Variants in SORCS2 observed in about 807,000 individuals in gnomAD.
SORCS2 encodes the protein sortilin related VPS10 domain containing receptor 2.
In SORCS2, 100 loss-of-function variants were observed where a neutral mutation model predicts 141.6. That is an observed-to-expected ratio of 0.71 (90% CI 0.60 to 0.83). The LOEUF is 0.83. Among genes scored for constraint, SORCS2 ranks in the 40% least tolerant of loss-of-function variants. SORCS2 has a pLI of 0.00. For synonymous variants in SORCS2, 789 were observed against 676.9 expected (o/e 1.17, Z -2.57); for missense variants, 1,646 against 1,560.2 (o/e 1.05, Z -0.93).
chr4:7,397,672 G>A (rs575892005), intron 2 of SORCS2, among the ~76,000 whole-genome samples: 3 of 152,302 alleles, frequency 2.0e-5, no homozygotes, highest in Non-Finnish European at 2.9e-5. Context: ...ACTTCGAGAC[G>A]AGAGCAGAAA....
At chr4:7,451,744 A>G (rs1728477040) in intron 2 of SORCS2, among the ~76,000 whole-genome samples, 2 of 152,310 alleles carry the variant, frequency 1.3e-5, no homozygotes, top group African/African-American at 4.8e-5. Context: ...GGAGTGTGCC[A>G]GGCTGGTTTT....
chr4:7,659,472 C>A (rs1331075259), intron 5 of SORCS2, among the ~76,000 whole-genome samples: 2 of 152,254 alleles, frequency 1.3e-5, no homozygotes, highest in East Asian at 1.9e-4. Context: ...ATAGGCTTGG[C>A]CCCTCACAGA....
In SORCS2 at chr4:7,317,844, A is replaced by G. The variant is rs1577392430; in HGVS notation, c.481-78444A>G. On this transcript the variant is annotated intron_variant, in intron 1 of 26. Transcript: ENST00000507866. ...CATTCAGCTGATTCTACAAATGTAC[A>G]GAAACCCGAGAACCCGGTGAGGGCC... Among the ~76,000 whole-genome samples, 3 of 152,286 alleles carry G rather than the reference A, an allele frequency of 2.0e-5. No individual in the cohort carries two copies. The South Asian group carries it at 6.2e-4, about 32-fold the overall frequency.
intron 3 of SORCS2, among the ~76,000 whole-genome samples, chr4:7,562,637 G>A (rs1488519466): frequency 6.6e-6 from 1 of 152,174 alleles, no homozygotes; most frequent in African/African-American, 2.4e-5. Context: ...CCATAATGAA[G>A]GACCACAGAT....
intron 12 of SORCS2, among the ~76,000 whole-genome samples, chr4:7,701,479 G>A (rs571573817): frequency 1.3e-5 from 2 of 152,216 alleles, no homozygotes; most frequent in African/African-American, 4.8e-5. Context: ...CACATGCAGA[G>A]AGCCTGGGTG....
At chr4:7,534,470 C>G (rs949045159) in intron 3 of SORCS2, among the ~76,000 whole-genome samples, 3 of 152,196 alleles carry the variant, frequency 2.0e-5, no homozygotes, top group African/African-American at 7.2e-5. Flanking sequence ...CAAAGATGTC[C>G]CAGTCCCGAC....
At chr4:7,387,517 A>C (rs767073586) in intron 1 of SORCS2, among the ~76,000 whole-genome samples, 2 of 151,052 alleles carry the variant, frequency 1.3e-5, no homozygotes, top group Non-Finnish European at 2.9e-5. Flanking sequence ...AGGTACACAG[A>C]GATACATATG....
rs1721208725 is a variant in SORCS2, at chr4:7,648,236, A to G, written c.814-5898A>G. 6.6e-6 allele frequency among the ~76,000 whole-genome samples: 1 copy of G among 152,078 alleles called. No homozygotes were observed. Among genetic ancestry groups the G allele is most frequent in the Non-Finnish European group, 1.5e-5 (1 of 68,014 alleles). ...AGGAAGACACGGAGGCTGGAGGAGC[A>G]GGGCTGGTTGAGAAAGGAGCCAGCT... On this transcript the variant is annotated intron_variant, in intron 4 of 26. Transcript: ENST00000507866. The surrounding 1 kb of genome is among the most constrained non-coding windows in gnomAD (Gnocchi z 4.2).
In SORCS2 at chr4:7,548,168, CAT is replaced by C. The variant is rs552006035; in HGVS notation, c.648+16542_648+16543del. Reference sequence around the variant, plus strand: ...AGGAAGGCCTTTGAGGGCTCCAACACATATTACCAACCTTGCTTTTTCAAAGT... The same window carrying C: ...AGGAAGGCCTTTGAGGGCTCCAACACATTACCAACCTTGCTTTTTCAAAGT... On this transcript the variant is annotated intron_variant, in intron 3 of 26. Coordinates refer to ENST00000507866, the MANE Select transcript of SORCS2 (RefSeq NM_020777.3). Among the ~76,000 whole-genome samples the C allele has an allele frequency of 1.7e-4, 26 of 152,318 alleles. No homozygotes were observed. The East Asian group carries it at 4.6e-3, about 27-fold the overall frequency.
At chr4:7,684,933 C>A (rs1001186795) in intron 10 of SORCS2, among the ~76,000 whole-genome samples, 4 of 152,288 alleles carry the variant, frequency 2.6e-5, no homozygotes, top group Admixed American at 2.6e-4. Context: ...CTGTGGCCCC[C>A]AGGGCAACCC....
chr4:7,425,882 C>T (rs894901943), intron 2 of SORCS2, among the ~76,000 whole-genome samples: 1 of 152,266 alleles, frequency 6.6e-6, no homozygotes, highest in Non-Finnish European at 1.5e-5. Flanking sequence ...GTCCACACTT[C>T]CGGGCCCTGG....
intron 23 of SORCS2, among the ~76,000 whole-genome samples, chr4:7,729,990 G>C (rs1235717143): frequency 1.3e-5 from 2 of 152,156 alleles, no homozygotes; most frequent in African/African-American, 2.4e-5. Flanking sequence ...CGTGTCATTG[G>C]CTGGAGATGG....
At chr4:7,575,666 C>T (rs560274032) in intron 3 of SORCS2, among the ~76,000 whole-genome samples, 18 of 152,334 alleles carry the variant, frequency 1.2e-4, no homozygotes, top group East Asian at 5.8e-4. Context: ...ACTTTGAAGG[C>T]TTGATGACCA....
intron 2 of SORCS2, among the ~76,000 whole-genome samples, chr4:7,410,841 C>T (rs570937878): frequency 2.0e-5 from 3 of 151,658 alleles, no homozygotes; most frequent in Non-Finnish European, 4.4e-5. Flanking sequence ...CTTGAGGTGC[C>T]TTTAAAATGT....
chr4:7,604,082 G>A (rs1250373313), intron 3 of SORCS2, among the ~76,000 whole-genome samples: 2 of 151,940 alleles, frequency 1.3e-5, no homozygotes, highest in Admixed American at 1.3e-4. Context: ...AGGCTCTGGT[G>A]TGTGTGTGTG....
intron 2 of SORCS2, among the ~76,000 whole-genome samples, chr4:7,527,664 C>T (rs1733782509): frequency 6.6e-6 from 1 of 152,042 alleles, no homozygotes. Context: ...GCCTTTGTTA[C>T]AGCAGCCATG....
chr4:7,633,137 T>C (rs1720004162), intron 3 of SORCS2, among the ~76,000 whole-genome samples: 1 of 152,218 alleles, frequency 6.6e-6, no homozygotes, highest in African/African-American at 2.4e-5. Flanking sequence ...GAAGGTTTAG[T>C]TCTGAGTCAC....
At chr4:7,489,209 G>A (rs1461614379) in intron 2 of SORCS2, among the ~76,000 whole-genome samples, 1 of 152,142 alleles carries the variant, frequency 6.6e-6, no homozygotes, top group Non-Finnish European at 1.5e-5. Context: ...CTGTCTTTGG[G>A]TGCTGGGTGG....
At chr4:7,438,249 C>G (rs1192056825) in intron 2 of SORCS2, among the ~76,000 whole-genome samples, 1 of 152,182 alleles carries the variant, frequency 6.6e-6, no homozygotes, top group African/African-American at 2.4e-5. Flanking sequence ...TTTTGTAGCA[C>G]TGGGGAACCA....
Sources: allele counts gnomAD v4.1 joint callset (sites outside exome capture counted in the v4.1 genomes callset), GRCh38; gene constraint gnomAD v4.1.1; non-coding constraint Gnocchi (gnomAD v3.1); transcripts MANE v1.5; gene names NCBI Gene and HGNC (gene_info 2026-07-23, HGNC 2026-07-21).